The following DNAH3 variants were observed in gnomAD, a reference collection of about 807,000 sequenced individuals.
DNAH3 encodes dynein axonemal heavy chain 3.
In DNAH3, 332 loss-of-function variants were observed where a neutral mutation model predicts 432.5. That is an observed-to-expected ratio of 0.77 (90% confidence interval 0.70 to 0.84). The LOEUF (loss-of-function observed/expected upper bound fraction) is 0.84. Among genes scored for constraint, DNAH3 ranks in the 40% least tolerant of loss-of-function variants. The pLI is 0.00. For missense variants in DNAH3, 4,861 were observed against 5,114.0 expected (o/e 0.95, Z 1.51); for synonymous variants, 1,956 against 1,900.2 (o/e 1.03, Z -0.76).
intron 41 of DNAH3, among the ~76,000 whole-genome samples, chr16:21,015,153 G>A (rs2087797064): frequency 6.6e-6 from 1 of 152,106 alleles, no homozygotes; most frequent in Non-Finnish European, 1.5e-5. Context: ...ACCAAAAATT[G>A]TAATAAACCA....
At chr16:21,148,876 A>T (rs2152834789) in intron 1 of DNAH3, among the ~76,000 whole-genome samples, 1 of 152,280 alleles carries the variant, frequency 6.6e-6, no homozygotes, top group South Asian at 2.1e-4. Flanking sequence ...CCTCTGTGGC[A>T]CCTTCAAGAG....
At chr16:21,139,876 T>C (rs748233092) in intron 5 of DNAH3, among the ~76,000 whole-genome samples, 3 of 147,782 alleles carry the variant, frequency 2.0e-5, no homozygotes, top group Admixed American at 7.0e-5. Flanking sequence ...ACCTCCCAGG[T>C]TCAAGTGATT....
chr16:21,034,947 T>C (rs1340081600), intron 35 of DNAH3, among the ~76,000 whole-genome samples: 1 of 152,056 alleles, frequency 6.6e-6, no homozygotes, highest in East Asian at 1.9e-4. Flanking sequence ...TGTTTGAAAG[T>C]TACAGAGCAG....
chr16:21,097,129 G>A (rs1202445072), intron 18 of DNAH3, among the ~76,000 whole-genome samples: 1 of 152,120 alleles, frequency 6.6e-6, no homozygotes, highest in African/African-American at 2.4e-5. Flanking sequence ...GTGACTCTGG[G>A]TGGCTGCCTA....
intron 44 of DNAH3, among the ~76,000 whole-genome samples, chr16:20,989,510 T>C (rs550861013): frequency 6.6e-6 from 1 of 152,284 alleles, no homozygotes; most frequent in East Asian, 1.9e-4. Context: ...GATTGGTGTG[T>C]TTACAATCCC....
chr16:21,031,022 G>C, intron 37 of DNAH3, 23 bp downstream of exon 37: 1 of 1,612,410 alleles, frequency 6.2e-7, no homozygotes, highest in Non-Finnish European at 8.5e-7. Context: ...TCATGGAAAA[G>C]TCATATCAGG....
chr16:21,100,481 T>C (rs1257306746), intron 16 of DNAH3, among the ~76,000 whole-genome samples: 1 of 152,248 alleles, frequency 6.6e-6, no homozygotes, highest in Non-Finnish European at 1.5e-5. Context: ...ATTTCATTCA[T>C]TCACTCATTA....
chr16:21,151,323 T>A (rs1358360513), intron 1 of DNAH3, among the ~76,000 whole-genome samples: 4 of 14,800 alleles, frequency 2.7e-4, no homozygotes, highest in Non-Finnish European at 4.8e-4. Context: ...TTTTCCCCGT[T>A]TTTTTTTTTT....
At chr16:21,108,696 T>C (rs1407257973) in intron 14 of DNAH3, among the ~76,000 whole-genome samples, 3 of 152,176 alleles carry the variant, frequency 2.0e-5, no homozygotes, top group African/African-American at 7.2e-5. Context: ...TAAGCTTTGA[T>C]CATGCCACTG....
At position 21,075,608 on chromosome 16, in the gene DNAH3, G is replaced by A. The variant is rs750086515; in HGVS notation, c.2970-47C>T. On this transcript the variant is annotated intron_variant, in intron 20 of 61. Transcript: ENST00000261383. ...AGCAACATCAACAGGAGGCAGAGAA[G>A]ACACATCAAAGGAGGAACTTCAGGC... 9 of 1,451,672 alleles carry A rather than the reference G, an allele frequency of 6.2e-6. 1 individual carries two copies. Among genetic ancestry groups the A allele is most frequent in the Non-Finnish European group, 8.7e-6 (9 of 1,031,940 alleles). 89.9% of individuals were successfully genotyped at this position (1,451,672 alleles called of 1,614,324 possible). A position where few individuals can be genotyped will look rare whatever the true frequency, so the allele number is the denominator to read the frequency against.
rs1446809897 is a variant in DNAH3, at chr16:21,138,425, C to T, written c.697-1912G>A. 3.3e-5 allele frequency among the ~76,000 whole-genome samples: 5 copies of T among 152,220 alleles called. No homozygotes were observed. The East Asian group carries it at 9.7e-4, about 29-fold the overall frequency. On this transcript the variant is annotated intron_variant, in intron 5 of 61. Transcript: ENST00000261383. ...AAGTGCTTGTTAAAATGCAGATTCC[C>T]AGGCCCCTCCTCAGGCAGTTAGGGT... is the stretch of plus-strand genomic sequence containing the variant.
At chr16:20,936,814 G>A in exon 60 of DNAH3, 1 of 1,613,212 alleles carries the variant, frequency 6.2e-7, no homozygotes, top group Non-Finnish European at 8.5e-7. Flanking sequence ...TGATGGCTCG[G>A]CCAAGATTGA....
intron 8 of DNAH3, among the ~76,000 whole-genome samples, chr16:21,125,985 A>AAAAC (rs1017394223): frequency 7.9e-5 from 12 of 152,296 alleles, no homozygotes; most frequent in African/African-American, 2.9e-4. Flanking sequence ...CATCTCTACA[A>AAAAC]AAACAAACAA....
At chr16:20,979,225 T>C in intron 50 of DNAH3, 105 bp downstream of exon 50, 1 of 992,826 alleles carries the variant, frequency 1.0e-6, no homozygotes, top group Non-Finnish European at 1.5e-6. Flanking sequence ...AGGGTCACAT[T>C]CTGCTTGATC....
At chr16:21,010,960 A>T (rs962874774) in intron 41 of DNAH3, among the ~76,000 whole-genome samples, 2 of 151,122 alleles carry the variant, frequency 1.3e-5, no homozygotes, top group African/African-American at 4.9e-5. Context: ...AAGAGGATAT[A>T]CACAAAAGAA....
In DNAH3 at chr16:21,156,996, A is replaced by AACACACACACACACACACAC. The variant is rs34199213; in HGVS notation, c.117+2309_117+2328dup. On this transcript the variant is annotated intron_variant, in intron 1 of 61. Coordinates refer to ENST00000261383, the Ensembl canonical transcript of DNAH3. ...TGATTGGAAGGCTGTAATCTAAGGA[A>AACACACACACACACACACAC]ACACACACACACACACACACACACA... Among the ~76,000 whole-genome samples the AACACACACACACACACACAC allele has an allele frequency of 2.4e-3, 357 of 147,522 alleles. 2 individuals are homozygous for AACACACACACACACACACAC. Among genetic ancestry groups the AACACACACACACACACACAC allele is most frequent in the African/African-American group, 8.5e-3 (339 of 39,668 alleles).
intron 48 of DNAH3, among the ~76,000 whole-genome samples, chr16:20,983,706 A>G (rs1347268691): frequency 6.6e-6 from 1 of 151,948 alleles, no homozygotes; most frequent in African/African-American, 2.4e-5. Context: ...GTGGAAGTGA[A>G]AGGTCACTGT....
intron 31 of DNAH3, among the ~76,000 whole-genome samples, chr16:21,048,751 T>G (rs2089830158): frequency 6.6e-6 from 1 of 151,004 alleles, no homozygotes; most frequent in African/African-American, 2.4e-5. Context: ...TGGAGTGCAA[T>G]GGTTAGATCT....
intron 3 of DNAH3, 127 bp from the exon 5 acceptor site, chr16:21,141,499 C>T (rs185666777): frequency 3.8e-5 from 25 of 650,910 alleles, no homozygotes; most frequent in African/African-American, 1.8e-4. Flanking sequence ...TACGGTGTGA[C>T]GTGGCAGGAG....
Sources: gnomAD v4.1 joint callset for allele counts (sites outside exome capture counted in the v4.1 genomes callset) on GRCh38, gnomAD v4.1.1 for gene constraint, MANE v1.5 for transcripts, NCBI Gene and HGNC (gene_info 2026-07-23, HGNC 2026-07-21) for gene names.